The following GABPB1 variants were observed in gnomAD, a reference collection of about 807,000 sequenced individuals.
GABPB1 encodes the protein GA binding protein transcription factor subunit beta 1.
Under a neutral mutation model 45.9 loss-of-function variants are expected in GABPB1, and 15 were observed. The observed-to-expected ratio is 0.33, with a 90% confidence interval of 0.22 to 0.50. GABPB1 has a LOEUF of 0.50. GABPB1 is among the 20% of genes least tolerant of loss of function. The pLI, the probability that GABPB1 is intolerant of heterozygous loss-of-function variation, is 0.98. For missense variants in GABPB1, 252 were observed against 457.5 expected, an observed-to-expected ratio of 0.55 and a Z score of 4.10; for synonymous variants, 143 against 154.4, an observed-to-expected ratio of 0.93 and a Z score of 0.55.
intron 8 of GABPB1, among the ~76,000 whole-genome samples, chr15:50,283,490 C>T (rs2046055651): frequency 6.6e-6 from 1 of 151,722 alleles, no homozygotes; most frequent in Non-Finnish European, 1.5e-5. Context: ...AGTTGGGAAA[C>T]TGTAAACATA....
At chr15:50,350,653 A>G (rs1183437561) in intron 1 of GABPB1, 2 of 152,130 alleles carry the variant, frequency 1.3e-5, no homozygotes, top group Non-Finnish European at 2.9e-5. Context: ...CAAAGTTTAT[A>G]GGTAACTTGA....
chr15:50,305,494 G>A (rs538644444), intron 2 of GABPB1, among the ~76,000 whole-genome samples: 7 of 152,204 alleles, frequency 4.6e-5, no homozygotes. Context: ...TGGGACTACA[G>A]GCACACACCA....
chr15:50,300,108 A>C (rs957860451), intron 6 of GABPB1, among the ~76,000 whole-genome samples: 1 of 152,148 alleles, frequency 6.6e-6, no homozygotes, highest in African/African-American at 2.4e-5. Flanking sequence ...TGCCCAGCCA[A>C]AGTGAGTTGT....
intron 8 of GABPB1, among the ~76,000 whole-genome samples, chr15:50,284,185 C>T (rs1482671378): frequency 6.6e-6 from 1 of 152,054 alleles, no homozygotes; most frequent in African/African-American, 2.4e-5. Context: ...TGCAAAATAA[C>T]GACTTCATGT....
intron 1 of GABPB1, among the ~76,000 whole-genome samples, chr15:50,337,436 G>T (rs2048190444): frequency 6.6e-6 from 1 of 151,916 alleles, no homozygotes; most frequent in African/African-American, 2.4e-5. Flanking sequence ...CTTCTCTTCA[G>T]ACATAAATGG....
chr15:50,340,411 T>C (rs891330027), intron 1 of GABPB1, among the ~76,000 whole-genome samples: 5 of 152,114 alleles, frequency 3.3e-5, no homozygotes, highest in East Asian at 1.9e-4. Flanking sequence ...AACACAGAAA[T>C]GTATACATTG....
intron 1 of GABPB1, among the ~76,000 whole-genome samples, chr15:50,341,989 C>A (rs2048390661): frequency 6.6e-6 from 1 of 152,156 alleles, no homozygotes; most frequent in African/African-American, 2.4e-5. Flanking sequence ...TCACCACTTA[C>A]CCCTTGGATT....
chr15:50,280,590 A>G (rs1046652702), intron 8 of GABPB1, among the ~76,000 whole-genome samples: 12 of 152,144 alleles, frequency 7.9e-5, no homozygotes, highest in African/African-American at 2.9e-4. Context: ...TACAAAAAAT[A>G]CAAAACTTAG....
chr15:50,343,536 T>C (rs1304163791), intron 1 of GABPB1, among the ~76,000 whole-genome samples: 1 of 151,390 alleles, frequency 6.6e-6, no homozygotes, highest in Non-Finnish European at 1.5e-5. Flanking sequence ...CACCAATCTA[T>C]CCCCTCACCT....
At chr15:50,302,643 CAAAAAA>C (rs60408137) in intron 4 of GABPB1, among the ~76,000 whole-genome samples, 8 of 62,170 alleles carry the variant, frequency 1.3e-4, no homozygotes, top group African/African-American at 3.0e-4. Flanking sequence ...GACTCTGGCT[CAAAAAA>C]AAAAAAAAAA....
intron 8 of GABPB1, 112 bp downstream of exon 8, chr15:50,285,956 C>T (rs1595733482): frequency 9.6e-6 from 14 of 1,461,952 alleles, no homozygotes; most frequent in South Asian, 1.5e-5. Context: ...AAATACTACG[C>T]ACTTTCATTC....
intron 1 of GABPB1, among the ~76,000 whole-genome samples, chr15:50,346,856 C>T (rs896457872): frequency 6.7e-6 from 1 of 149,462 alleles, no homozygotes; most frequent in African/African-American, 2.5e-5. Context: ...GGCGCCATCT[C>T]GGCTCACTGC....
At chr15:50,337,126 TATAA>T (rs1404826995) in intron 1 of GABPB1, among the ~76,000 whole-genome samples, 3 of 7,842 alleles carry the variant, frequency 3.8e-4, no homozygotes, top group Non-Finnish European at 3.7e-4. Context: ...TATATATATA[TATAA>T]TATGAAGAGG....
At chr15:50,296,614 C>T (rs2046520801) in intron 6 of GABPB1, among the ~76,000 whole-genome samples, 1 of 152,156 alleles carries the variant, frequency 6.6e-6, no homozygotes. Context: ...ACTTAATAGC[C>T]ATATGCCCTT....
At chr15:50,351,078 C>G (rs1406072762) in intron 1 of GABPB1, 1 of 152,202 alleles carries the variant, frequency 6.6e-6, no homozygotes, top group Non-Finnish European at 1.5e-5. Flanking sequence ...AAGGTCCGTT[C>G]CTACCCTACT....
At position 50,278,583 on chromosome 15, in the gene GABPB1, T is replaced by G. The variant is rs1421481322; in HGVS notation, c.*49A>C. ...ACCTTTGTTGTGTACAGTTCAAGATTGTATTCTTTCTTGACCAAAAGTAAA... is the reference window on the plus strand; with the variant it reads ...ACCTTTGTTGTGTACAGTTCAAGATGGTATTCTTTCTTGACCAAAAGTAAA... On this transcript the variant is annotated 3_prime_UTR_variant, in exon 9 of 9. Transcript: ENST00000380877. 8 of 1,519,454 alleles carry G rather than the reference T, an allele frequency of 5.3e-6. No individual in the cohort carries two copies. In the African/African-American group the frequency reaches 9.6e-5, roughly 18 times the overall value. The allele number at this position is 1,519,454 out of a possible 1,614,324, so 94.1% of individuals were successfully genotyped here.
chr15:50,301,933 G>A (rs1447649686), intron 4 of GABPB1, among the ~76,000 whole-genome samples: 4 of 152,078 alleles, frequency 2.6e-5, no homozygotes, highest in African/African-American at 4.8e-5. Context: ...GCACTCTTAG[G>A]AGTAAAAGGA....
chr15:50,354,785 G>A (rs1012037515), intron 1 of GABPB1, 200 bp downstream of exon 1: 3 of 232,790 alleles, frequency 1.3e-5, no homozygotes, highest in African/African-American at 2.4e-5. Context: ...CGCAGCGGCG[G>A]CGCGGGCGCC....
intron 2 of GABPB1, among the ~76,000 whole-genome samples, chr15:50,308,301 A>G (rs2047014560): frequency 6.6e-6 from 1 of 152,194 alleles, no homozygotes. Flanking sequence ...CTTCAAATTC[A>G]TTTCTCAGTT....
Sources: allele counts gnomAD v4.1 joint callset (sites outside exome capture counted in the v4.1 genomes callset), GRCh38; gene constraint gnomAD v4.1.1; transcripts MANE v1.5; gene names NCBI Gene and HGNC (gene_info 2026-07-23, HGNC 2026-07-21).